The following FAM81A variants were observed in gnomAD, a reference collection of about 807,000 sequenced individuals.
FAM81A encodes protein FAM81A.
Under a neutral mutation model 46.7 loss-of-function variants are expected in FAM81A, and 19 were observed. The ratio of observed to expected loss-of-function variants is 0.41; its 90% confidence interval spans 0.28 to 0.60. FAM81A has a LOEUF of 0.60. FAM81A is among the 20% of genes least tolerant of loss of function. The probability of loss-of-function intolerance (pLI) is 0.34; values close to 1 mark genes in which losing one functional copy is unlikely to be tolerated. For missense variants in FAM81A, 377 were observed against 453.5 expected (o/e 0.83, Z 1.53); for synonymous variants, 183 against 152.9 (o/e 1.20, Z -1.45).
intron 4 of FAM81A, among the ~76,000 whole-genome samples, chr15:59,502,527 G>T (rs896342981): frequency 2.0e-5 from 3 of 147,966 alleles, no homozygotes; most frequent in African/African-American, 7.5e-5. Context: ...GTGTGTGTGT[G>T]TTTTGAGACA....
At chr15:59,453,473 A>G (rs1012382167) in intron 1 of FAM81A, among the ~76,000 whole-genome samples, 1 of 152,182 alleles carries the variant, frequency 6.6e-6, no homozygotes, top group African/African-American at 2.4e-5. Flanking sequence ...GCTGTTAGTT[A>G]TGTGACCCCC....
intron 3 of FAM81A, among the ~76,000 whole-genome samples, chr15:59,484,003 G>A (rs1424021170): frequency 6.6e-6 from 1 of 152,158 alleles, no homozygotes; most frequent in African/African-American, 2.4e-5. Flanking sequence ...CTGGAGACAG[G>A]CCCTGTGCTT....
intron 3 of FAM81A, among the ~76,000 whole-genome samples, chr15:59,487,237 A>T (rs1203243113): frequency 6.9e-6 from 1 of 145,680 alleles, no homozygotes; most frequent in East Asian, 1.9e-4. Context: ...TATATATATT[A>T]TATATATATT....
At chr15:59,457,298 T>C (rs538037215) in intron 1 of FAM81A, among the ~76,000 whole-genome samples, 19 of 152,344 alleles carry the variant, frequency 1.2e-4, no homozygotes, top group African/African-American at 4.6e-4. Context: ...TTGTCCAGCA[T>C]ATCCACACCA....
At chr15:59,438,115 CGGCCGGGCCGCGCGCCG>C (rs1193107560), upstream of FAM81A, 18 of 146,358 alleles carry the variant, frequency 1.2e-4, no homozygotes, top group African/African-American at 3.9e-4. Context: ...GCCGCGAACC[CGGCCGGGCCGCGCGCCG>C]GGCCAGGCGG....
chr15:59,428,051 C>T (rs1216413468), intron 2 of FAM81A, among the ~76,000 whole-genome samples: 1 of 152,192 alleles, frequency 6.6e-6, no homozygotes, highest in Non-Finnish European at 1.5e-5. Context: ...CTCTTCTGCA[C>T]ATCTTTGCCA....
Position 59,507,200 on chromosome 15 carries a change from T to C in FAM81A, c.414-13T>C. ...ACTTTAATAAGAATCAGCTTTGTTC[T>C]TTGTCTGGACAGATGTGATGCCAGC... On this transcript the variant is annotated splice_polypyrimidine_tract_variant and intron_variant, in intron 4 of 8. Coordinates refer to ENST00000288228, the MANE Select transcript of FAM81A (RefSeq NM_152450.3). 7 of 1,606,388 alleles carry C rather than the reference T, an allele frequency of 4.4e-6. No individual in the cohort carries two copies. Among genetic ancestry groups the C allele is most frequent in the Non-Finnish European group, 6.0e-6 (7 of 1,176,318 alleles).
At chr15:59,456,764 T>C (rs949137412) in intron 1 of FAM81A, among the ~76,000 whole-genome samples, 1 of 152,034 alleles carries the variant, frequency 6.6e-6, no homozygotes, top group African/African-American at 2.4e-5. Flanking sequence ...TTTGTAGAGA[T>C]GGGATTTCGC....
intron 1 of FAM81A, among the ~76,000 whole-genome samples, chr15:59,450,479 A>G (rs1349761161): frequency 3.3e-5 from 5 of 152,058 alleles, no homozygotes; most frequent in Non-Finnish European, 5.9e-5. Flanking sequence ...TAGATATTCA[A>G]CATTGCTTTC....
intron 2 of FAM81A, among the ~76,000 whole-genome samples, chr15:59,405,958 C>T (rs1420201602): frequency 6.6e-6 from 1 of 152,190 alleles, no homozygotes; most frequent in African/African-American, 2.4e-5. Flanking sequence ...TCCTGGAGCT[C>T]CTGCAGTCTG....
At position 59,463,164 on chromosome 15, in the gene FAM81A, C is replaced by T. The variant is rs532014733; in HGVS notation, c.294+2958C>T. ...CAGTTTATACACTTAGGTCTGTGAACCATTTTGAGGTAATTTTTGTATATG... is the reference window on the plus strand; with the variant it reads ...CAGTTTATACACTTAGGTCTGTGAATCATTTTGAGGTAATTTTTGTATATG... On this transcript the variant is annotated intron_variant, in intron 3 of 8. Transcript: ENST00000288228. Among the ~76,000 whole-genome samples the T allele has an allele frequency of 4.6e-5, 7 of 152,184 alleles. No homozygotes were observed. The East Asian group carries it at 1.4e-3, about 29-fold the overall frequency.
intron 3 of FAM81A, among the ~76,000 whole-genome samples, chr15:59,472,267 G>A (rs1395022476): frequency 3.9e-5 from 6 of 152,026 alleles, no homozygotes; most frequent in African/African-American, 9.7e-5. Context: ...GTTGAACCTC[G>A]GAGGTTGCTG....
chr15:59,507,374 G>C (rs373603546), intron 5 of FAM81A, 32 bp downstream of exon 5: 14 of 1,603,014 alleles, frequency 8.7e-6, no homozygotes, highest in Non-Finnish European at 1.1e-5. Flanking sequence ...TTTTAGAAGC[G>C]GGTAATTTGT....
intron 3 of FAM81A, among the ~76,000 whole-genome samples, chr15:59,467,981 C>T (rs1211200504): frequency 6.6e-6 from 1 of 152,056 alleles, no homozygotes; most frequent in Non-Finnish European, 1.5e-5. Context: ...TGGGTTTTGT[C>T]ATTGGTTCTG....
At chr15:59,516,209 C>G (rs1453735486) in intron 7 of FAM81A, among the ~76,000 whole-genome samples, 1 of 151,564 alleles carries the variant, frequency 6.6e-6, no homozygotes, top group Non-Finnish European at 1.5e-5. Context: ...TCACTGCAAC[C>G]TCGCCTCCCC....
rs1257938566 is a variant in FAM81A at position 59,405,622 on chromosome 15, C to CA, written c.-78+3265dup. Among the ~76,000 whole-genome samples, 9 of 145,804 alleles carry CA rather than the reference C, an allele frequency of 6.2e-5. No homozygotes were observed. The East Asian group carries it at 1.8e-3, about 29-fold the overall frequency. On this transcript the variant is annotated intron_variant, in intron 2 of 4. Coordinates refer to the FAM81A transcript ENST00000558348. Reference sequence around the variant, plus strand: ...CGCCACTGCACACCAGCCTGGGCGACAGAGTGAGACTTCATCTCAAAAAAA... The same window carrying CA: ...CGCCACTGCACACCAGCCTGGGCGACAAGAGTGAGACTTCATCTCAAAAAAA...
At chr15:59,506,773 A>C (rs926869014) in intron 4 of FAM81A, among the ~76,000 whole-genome samples, 4 of 152,304 alleles carry the variant, frequency 2.6e-5, no homozygotes, top group Middle Eastern at 3.4e-3. Context: ...CCCTACTCAT[A>C]CTATACAGCC....
chr15:59,472,521 C>T (rs1460839723), intron 3 of FAM81A, among the ~76,000 whole-genome samples: 3 of 151,716 alleles, frequency 2.0e-5, no homozygotes, highest in African/African-American at 7.3e-5. Context: ...CCTGCATAAC[C>T]CAGCTTCCCT....
upstream of FAM81A, among the ~76,000 whole-genome samples, chr15:59,433,517 A>C (rs1306133491): frequency 2.6e-5 from 4 of 152,196 alleles, no homozygotes; most frequent in African/African-American, 9.6e-5. Context: ...ATTAGCCACC[A>C]ATGAATTCAT....
Sources: allele counts gnomAD v4.1 joint callset (sites outside exome capture counted in the v4.1 genomes callset), GRCh38; gene constraint gnomAD v4.1.1; transcripts MANE v1.5; gene names NCBI Gene and HGNC (gene_info 2026-07-23, HGNC 2026-07-21).